NXPE4: variants seen among roughly 807,000 people sequenced by gnomAD.
The protein encoded by NXPE4 is NXPE family member 4.
In NXPE4, 42 loss-of-function variants were observed where a neutral mutation model predicts 33.3. That is an observed-to-expected ratio of 1.26 (90% CI 0.98 to 1.63). The LOEUF is 1.63. NXPE4 is among the 40% of genes most tolerant of loss of function. NXPE4 has a pLI of 0.00. For missense variants in NXPE4, 709 were observed against 647.6 expected (o/e 1.09, Z -1.03); for synonymous variants, 253 against 234.9 (o/e 1.08, Z -0.71).
At chr11:114,645,342 G>T in the NXPE4 span, among the ~76,000 whole-genome samples, 2 of 151,844 alleles carry the variant, frequency 1.3e-5, no homozygotes, top group Non-Finnish European at 2.9e-5. Context: ...GTCCCCAAAA[G>T]ATTCCCTATA....
chr11:114,626,440 C>T, the NXPE4 span, among the ~76,000 whole-genome samples: 1 of 152,192 alleles, frequency 6.6e-6, no homozygotes, highest in African/African-American at 2.4e-5. Context: ...TGGCCGGGTA[C>T]TCCAACAGAC....
the NXPE4 span, among the ~76,000 whole-genome samples, chr11:114,635,609 G>A: frequency 2.6e-5 from 4 of 152,036 alleles, no homozygotes; most frequent in East Asian, 7.7e-4. Context: ...GTTTGTCATA[G>A]ATAGCTCTTA....
chr11:114,619,774 T>C, the NXPE4 span, among the ~76,000 whole-genome samples: 1 of 152,120 alleles, frequency 6.6e-6, no homozygotes, highest in African/African-American at 2.4e-5. Context: ...TGTTACCAGG[T>C]GGATAATAAG....
chr11:114,639,373 C>G, the NXPE4 span, among the ~76,000 whole-genome samples: 1 of 151,938 alleles, frequency 6.6e-6, no homozygotes, highest in Non-Finnish European at 1.5e-5. Context: ...CGTCTGTTAC[C>G]CCTTTCTTTG....
the NXPE4 span, among the ~76,000 whole-genome samples, chr11:114,628,991 A>G: frequency 6.6e-6 from 1 of 152,110 alleles, no homozygotes. Flanking sequence ...GAATCTCTGA[A>G]TAGACCAATA....
At chr11:114,595,015 A>C (rs111518764) in intron 1 of NXPE4, among the ~76,000 whole-genome samples, 240 of 152,218 alleles carry the variant, frequency 1.6e-3, no homozygotes, top group African/African-American at 5.3e-3. Flanking sequence ...TCTTTAAGAA[A>C]TCGAGCAGCT....
chr11:114,617,400 C>T, the NXPE4 span, among the ~76,000 whole-genome samples: 1 of 151,986 alleles, frequency 6.6e-6, no homozygotes, highest in African/African-American at 2.4e-5. Context: ...ATAAGTATTG[C>T]CTCGTGGGTA....
the NXPE4 span, among the ~76,000 whole-genome samples, chr11:114,607,117 G>A: frequency 8.9e-4 from 135 of 151,558 alleles, no homozygotes; most frequent in Middle Eastern, 0.014. Context: ...ACTGTTACCC[G>A]GTTTATAATA....
the NXPE4 span, among the ~76,000 whole-genome samples, chr11:114,639,720 A>G: frequency 0.012 from 1,543 of 130,060 alleles, 37 homozygotes; most frequent in African/African-American, 0.041. Context: ...AATATATAAT[A>G]TAGTAATATA....
At chr11:114,599,533 T>G (rs993803798), upstream of NXPE4, among the ~76,000 whole-genome samples, 1 of 152,192 alleles carries the variant, frequency 6.6e-6, no homozygotes, top group Non-Finnish European at 1.5e-5. Flanking sequence ...ATAAAAATAT[T>G]TGAGACTGGG....
the NXPE4 span, among the ~76,000 whole-genome samples, chr11:114,648,273 A>T: frequency 6.6e-6 from 1 of 152,090 alleles, no homozygotes; most frequent in African/African-American, 2.4e-5. Context: ...GAACCAGGAG[A>T]GCCAATGGTG....
At chr11:114,647,547 A>G in the NXPE4 span, among the ~76,000 whole-genome samples, 1 of 151,866 alleles carries the variant, frequency 6.6e-6, no homozygotes, top group African/African-American at 2.4e-5. Flanking sequence ...GGTATTCTCT[A>G]TTTTTTGGAA....
At chr11:114,641,729 A>T in the NXPE4 span, among the ~76,000 whole-genome samples, 1 of 152,150 alleles carries the variant, frequency 6.6e-6, no homozygotes, top group Non-Finnish European at 1.5e-5. Flanking sequence ...CTCTTAGAGC[A>T]CACTGAAAGT....
At chr11:114,662,896 A>G in the NXPE4 span, among the ~76,000 whole-genome samples, 2 of 152,190 alleles carry the variant, frequency 1.3e-5, no homozygotes, top group South Asian at 4.1e-4. Context: ...ACCGGCAGCA[A>G]TACCCAGGTA....
chr11:114,643,453 C>G, the NXPE4 span, among the ~76,000 whole-genome samples: 78 of 152,078 alleles, frequency 5.1e-4, 2 homozygotes, highest in Non-Finnish European at 9.6e-4. Context: ...AGGAAGGGGT[C>G]CAGTTTCAGT....
At chr11:114,633,795 C>T in the NXPE4 span, among the ~76,000 whole-genome samples, 14,015 of 152,022 alleles carry the variant, frequency 0.092, 824 homozygotes, top group Middle Eastern at 0.2. Flanking sequence ...GATGTGAACT[C>T]ACCATTTTTT....
At chr11:114,606,317 A>T in the NXPE4 span, among the ~76,000 whole-genome samples, 1 of 151,526 alleles carries the variant, frequency 6.6e-6, no homozygotes, top group Non-Finnish European at 1.5e-5. Context: ...AACCAGTGTT[A>T]CCCAGTGGAT....
At chr11:114,611,393 ACT>A in the NXPE4 span, among the ~76,000 whole-genome samples, 1 of 152,014 alleles carries the variant, frequency 6.6e-6, no homozygotes, top group East Asian at 1.9e-4. Context: ...GTGGGTAACC[ACT>A]GTTTCCCAGT....
chr11:114,666,189 T>C, the NXPE4 span, among the ~76,000 whole-genome samples: 4 of 152,180 alleles, frequency 2.6e-5, no homozygotes, highest in African/African-American at 9.6e-5. Context: ...TTCCCCATTT[T>C]GCTTTTTTGA....
Sources: allele counts gnomAD v4.1 joint callset (sites outside exome capture counted in the v4.1 genomes callset), GRCh38; gene constraint gnomAD v4.1.1; transcripts MANE v1.5; gene names NCBI Gene and HGNC (gene_info 2026-07-23, HGNC 2026-07-21).